RARB: variants seen among roughly 807,000 people sequenced by gnomAD.
RARB encodes retinoic acid receptor beta, also known as HBV-activated protein.
Under a neutral mutation model 51.9 loss-of-function variants are expected in RARB, and 17 were observed. That is an observed-to-expected ratio of 0.33 (90% CI 0.22 to 0.49). RARB has a LOEUF of 0.49. Ranked by LOEUF, RARB falls within the 20% of genes least tolerant of loss-of-function variation. The pLI, the probability that RARB is intolerant of heterozygous loss-of-function variation, is 0.99. For missense variants in RARB, 369 were observed against 550.8 expected (o/e 0.67, Z 3.30); for synonymous variants, 215 against 195.4 (o/e 1.10, Z -0.84).
At chr3:25,394,051 C>A (rs1707046209) in intron 5 of RARB, among the ~76,000 whole-genome samples, 1 of 151,964 alleles carries the variant, frequency 6.6e-6, no homozygotes, top group Non-Finnish European at 1.5e-5. Context: ...ATGCTGTGAC[C>A]TTTTCTCTTA....
At chr3:25,323,329 A>G (rs914708450) in intron 5 of RARB, among the ~76,000 whole-genome samples, 2 of 152,324 alleles carry the variant, frequency 1.3e-5, no homozygotes, top group East Asian at 3.9e-4. Context: ...CATGTGGGAT[A>G]AGAGCAATTG....
At chr3:25,288,375 C>A (rs1049124198) in intron 5 of RARB, among the ~76,000 whole-genome samples, 1 of 152,114 alleles carries the variant, frequency 6.6e-6, no homozygotes, top group African/African-American at 2.4e-5. Flanking sequence ...TCCCTAGTCA[C>A]GCTAGACTGT....
intron 5 of RARB, among the ~76,000 whole-genome samples, chr3:25,251,335 T>C (rs1276625014): frequency 6.6e-6 from 1 of 152,166 alleles, no homozygotes; most frequent in African/African-American, 2.4e-5. Context: ...TAAATATTTG[T>C]GTACAAGTTT....
At chr3:25,198,083 C>A (rs1464212711) in intron 5 of RARB, among the ~76,000 whole-genome samples, 1 of 151,998 alleles carries the variant, frequency 6.6e-6, no homozygotes. Context: ...GACATATAGA[C>A]CTATGGAACA....
intron 2 of RARB, among the ~76,000 whole-genome samples, chr3:24,938,334 G>C (rs1575080942): frequency 6.6e-6 from 1 of 152,116 alleles, no homozygotes; most frequent in African/African-American, 2.4e-5. Flanking sequence ...TAGTTTGTTA[G>C]AGAACCGTAT....
intron 5 of RARB, among the ~76,000 whole-genome samples, chr3:25,336,685 C>T (rs968190109): frequency 2.0e-5 from 3 of 152,138 alleles, no homozygotes; most frequent in Non-Finnish European, 4.4e-5. Context: ...CATTTATGGC[C>T]ACCTCTCTCA....
At chr3:25,125,396 G>A (rs969866836) in intron 3 of RARB, among the ~76,000 whole-genome samples, 7 of 152,134 alleles carry the variant, frequency 4.6e-5, no homozygotes, top group Non-Finnish European at 7.3e-5. Context: ...CATGAGGACC[G>A]TTCTAATGAG....
intron 5 of RARB, among the ~76,000 whole-genome samples, chr3:25,310,518 C>A (rs1478888502): frequency 6.6e-6 from 1 of 152,172 alleles, no homozygotes; most frequent in African/African-American, 2.4e-5. Context: ...GAGACCTGGA[C>A]CTCTCTAGAT....
intron 2 of RARB, among the ~76,000 whole-genome samples, chr3:25,008,488 T>G (rs1697323037): frequency 6.6e-6 from 1 of 152,086 alleles, no homozygotes; most frequent in Non-Finnish European, 1.5e-5. Context: ...AGTAGCTACC[T>G]TATCCTTTCA....
At chr3:25,480,276 A>G (rs1696161414) in intron 2 of RARB, among the ~76,000 whole-genome samples, 2 of 152,240 alleles carry the variant, frequency 1.3e-5, no homozygotes, top group Admixed American at 1.3e-4. Flanking sequence ...CTTTAGTGCC[A>G]AGAGCACGTA....
chr3:24,920,923 C>T (rs925587235), intron 2 of RARB, among the ~76,000 whole-genome samples: 2 of 152,192 alleles, frequency 1.3e-5, no homozygotes, highest in African/African-American at 4.8e-5. Flanking sequence ...AGTCCTTTTG[C>T]TCCTAATTAG....
chr3:25,203,168 T>G (rs1701441427), intron 5 of RARB, among the ~76,000 whole-genome samples: 1 of 152,230 alleles, frequency 6.6e-6, no homozygotes, highest in Non-Finnish European at 1.5e-5. Context: ...GTTGAATTGA[T>G]CCCTTACCAT....
At chr3:25,399,827 G>T (rs1210886556) in intron 5 of RARB, among the ~76,000 whole-genome samples, 2 of 152,166 alleles carry the variant, frequency 1.3e-5, no homozygotes, top group Non-Finnish European at 2.9e-5. Flanking sequence ...TAACTAGCAA[G>T]TCTCCCATAA....
chr3:24,841,214 T>C (rs1466968614), intron 1 of RARB, among the ~76,000 whole-genome samples: 3 of 152,236 alleles, frequency 2.0e-5, no homozygotes, highest in Non-Finnish European at 4.4e-5. Flanking sequence ...TTTCCCATTT[T>C]TCCCACCTAA....
chr3:24,941,553 A>G (rs961013397), intron 2 of RARB, among the ~76,000 whole-genome samples: 1 of 152,104 alleles, frequency 6.6e-6, no homozygotes, highest in Admixed American at 6.5e-5. Flanking sequence ...CATTTTTAGT[A>G]GAGACGGGGT....
intron 5 of RARB, among the ~76,000 whole-genome samples, chr3:25,391,381 A>G (rs961004946): frequency 4.6e-4 from 70 of 152,122 alleles, no homozygotes; most frequent in African/African-American, 1.7e-3. Context: ...TTTTTCATAT[A>G]ATGACTTCTT....
chr3:25,027,861 C>T (rs932916570), intron 2 of RARB, among the ~76,000 whole-genome samples: 1 of 152,116 alleles, frequency 6.6e-6, no homozygotes, highest in Admixed American at 6.6e-5. Flanking sequence ...TTGACTACAT[C>T]ATGGCAGGGT....
intron 2 of RARB, among the ~76,000 whole-genome samples, chr3:24,890,681 T>A (rs946698563): frequency 6.6e-6 from 1 of 152,194 alleles, no homozygotes; most frequent in African/African-American, 2.4e-5. Flanking sequence ...TGAAGAAACC[T>A]GGCTGAATAG....
chr3:24,932,686 C>T (rs944220572), intron 2 of RARB, among the ~76,000 whole-genome samples: 14 of 152,068 alleles, frequency 9.2e-5, no homozygotes, highest in Non-Finnish European at 1.6e-4. Flanking sequence ...AATAGCATTG[C>T]TTTCAACAAG....
Sources: allele counts gnomAD v4.1 joint callset (sites outside exome capture counted in the v4.1 genomes callset), GRCh38; gene constraint gnomAD v4.1.1; transcripts MANE v1.5; gene names NCBI Gene and HGNC (gene_info 2026-07-23, HGNC 2026-07-21).